The following TTC27 variants were observed in gnomAD, a reference collection of about 807,000 sequenced individuals.
TTC27 encodes the protein tetratricopeptide repeat protein 27.
A neutral mutation model predicts 115.9 loss-of-function variants in TTC27; 79 were observed. The observed-to-expected ratio is 0.68, with a 90% CI of 0.57 to 0.82. The LOEUF is 0.82. Ranked by LOEUF, TTC27 falls within the 40% of genes least tolerant of loss-of-function variation. The probability of loss-of-function intolerance (pLI) is 0.00; values close to 1 mark genes in which losing one functional copy is unlikely to be tolerated. For synonymous variants in TTC27, 401 were observed against 356.0 expected, an observed-to-expected ratio of 1.13 and a Z score of -1.42; for missense variants, 1,054 against 993.1, an observed-to-expected ratio of 1.06 and a Z score of -0.82.
chr2:32,661,106 C>G (rs1054410293), intron 5 of TTC27, among the ~76,000 whole-genome samples: 7 of 152,158 alleles, frequency 4.6e-5, no homozygotes, highest in Admixed American at 4.6e-4. Context: ...TCTGAGGCCT[C>G]TACTCTGTTT....
intron 10 of TTC27, among the ~76,000 whole-genome samples, chr2:32,727,271 T>C (rs1351067038): frequency 1.3e-5 from 2 of 152,214 alleles, no homozygotes; most frequent in South Asian, 2.1e-4. Flanking sequence ...AATTTTTTTG[T>C]GAAATGTGTC....
intron 16 of TTC27, 133 bp downstream of exon 16, chr2:32,787,282 T>C: frequency 1.0e-6 from 1 of 968,812 alleles, no homozygotes; most frequent in South Asian, 2.0e-5. Context: ...GGGTATTTTT[T>C]TCTAGTCAAA....
At chr2:32,756,666 C>T (rs1359720461) in intron 12 of TTC27, among the ~76,000 whole-genome samples, 3 of 152,194 alleles carry the variant, frequency 2.0e-5, no homozygotes, top group Non-Finnish European at 4.4e-5. Flanking sequence ...ATCAAATATA[C>T]AGACTTTCGG....
intron 5 of TTC27, among the ~76,000 whole-genome samples, chr2:32,658,650 A>T (rs1665423323): frequency 6.6e-6 from 1 of 152,212 alleles, no homozygotes; most frequent in Non-Finnish European, 1.5e-5. Context: ...GCTAACACAT[A>T]TTGGAAACAT....
At chr2:32,700,609 CT>C (rs1279116191) in intron 9 of TTC27, among the ~76,000 whole-genome samples, 2 of 152,156 alleles carry the variant, frequency 1.3e-5, no homozygotes, top group African/African-American at 4.8e-5. Flanking sequence ...GCAATCTCGG[CT>C]CACTGCAACC....
intron 5 of TTC27, among the ~76,000 whole-genome samples, chr2:32,653,623 T>C (rs1327641119): frequency 6.6e-6 from 1 of 151,536 alleles, no homozygotes; most frequent in African/African-American, 2.4e-5. Flanking sequence ...AAAAACAGTC[T>C]TTTGGTGACT....
intron 10 of TTC27, among the ~76,000 whole-genome samples, chr2:32,706,066 T>C (rs961413644): frequency 1.3e-5 from 2 of 150,060 alleles, no homozygotes; most frequent in African/African-American, 4.9e-5. Flanking sequence ...TCATTCCTTA[T>C]TTACCTTACT....
In TTC27 at chr2:32,820,897, G is replaced by A. The variant is rs147004418; in HGVS notation, c.2491G>A (p.Glu831Lys). 28 of 1,535,580 alleles carry A rather than the reference G, an allele frequency of 1.8e-5. No homozygotes were observed. In the African/African-American group the frequency reaches 3.3e-4, roughly 18 times the overall value. The change falls in exon 20 of 20, where the codon GAG becomes AAG. Residue 831 changes from glutamate to lysine, a missense_variant. By Grantham distance (56) the Glu-to-Lys change is moderately conservative. Coordinates refer to ENST00000317907, the MANE Select transcript of TTC27 (RefSeq NM_017735.5). The part of the protein sequence containing the change: ...DITAMDTLVT[E>K]LQDLSNQFRN... ...AACAGCTATGGACACCTTAGTGACA[G>A]AGCTCCAAGACCTAAGCAACCAGTT...
intron 10 of TTC27, among the ~76,000 whole-genome samples, chr2:32,706,294 G>C (rs1011054007): frequency 6.6e-6 from 1 of 151,600 alleles, no homozygotes; most frequent in Non-Finnish European, 1.5e-5. Flanking sequence ...TGTTGGCCAG[G>C]CTGGTCTCGA....
chr2:32,663,651 T>C (rs1007913676), intron 5 of TTC27, among the ~76,000 whole-genome samples: 3 of 150,526 alleles, frequency 2.0e-5, no homozygotes, highest in Non-Finnish European at 3.0e-5. Context: ...TATGTATGTA[T>C]GTATGTATGT....
chr2:32,819,241 C>A (rs1671605182), intron 19 of TTC27, among the ~76,000 whole-genome samples: 1 of 151,730 alleles, frequency 6.6e-6, no homozygotes, highest in Non-Finnish European at 1.5e-5. Context: ...GTACTGCACA[C>A]CTTCCCATAT....
intron 10 of TTC27, among the ~76,000 whole-genome samples, chr2:32,726,786 C>T (rs1668122450): frequency 6.6e-6 from 1 of 152,102 alleles, no homozygotes; most frequent in Admixed American, 6.6e-5. Context: ...AAAGACATGC[C>T]CAAGACTGGG....
chr2:32,707,011 T>C (rs764169679), intron 10 of TTC27, among the ~76,000 whole-genome samples: 1 of 152,230 alleles, frequency 6.6e-6, no homozygotes, highest in Non-Finnish European at 1.5e-5. Flanking sequence ...GGTCATACCC[T>C]TAAAAGGGAA....
At chr2:32,740,898 G>A (rs547375520) in intron 12 of TTC27, among the ~76,000 whole-genome samples, 10 of 151,932 alleles carry the variant, frequency 6.6e-5, no homozygotes, top group South Asian at 4.2e-4. Flanking sequence ...CAGGTGATCC[G>A]CCTGCCTCAG....
chr2:32,747,980 A>G (rs72860866), intron 12 of TTC27, among the ~76,000 whole-genome samples: 2,240 of 151,254 alleles, frequency 0.015, 51 homozygotes, highest in African/African-American at 0.049. Flanking sequence ...CCTAATTTTT[A>G]TTTCCTTTCT....
At chr2:32,711,398 A>G (rs977102880) in intron 10 of TTC27, among the ~76,000 whole-genome samples, 2 of 152,182 alleles carry the variant, frequency 1.3e-5, no homozygotes, top group South Asian at 2.1e-4. Context: ...TGAATGCACA[A>G]TTTGTCTAAG....
chr2:32,746,750 C>T (rs887767518), intron 12 of TTC27, among the ~76,000 whole-genome samples: 1 of 151,950 alleles, frequency 6.6e-6, no homozygotes, highest in African/African-American at 2.4e-5. Flanking sequence ...TCTTTTGTAG[C>T]TCATTATTTG....
intron 9 of TTC27, among the ~76,000 whole-genome samples, chr2:32,680,214 CATT>C (rs1175396808): frequency 6.6e-6 from 1 of 152,006 alleles, no homozygotes; most frequent in Non-Finnish European, 1.5e-5. Context: ...AAATGTTCCT[CATT>C]ATTTATTATA....
chr2:32,708,627 C>A (rs372508006), intron 10 of TTC27, among the ~76,000 whole-genome samples: 1 of 151,944 alleles, frequency 6.6e-6, no homozygotes, highest in Non-Finnish European at 1.5e-5. Context: ...ATTTTTCTAG[C>A]TTACTTTATT....
Sources: gnomAD v4.1 joint callset for allele counts (sites outside exome capture counted in the v4.1 genomes callset) on GRCh38, gnomAD v4.1.1 for gene constraint, MANE v1.5 for transcripts, NCBI Gene and HGNC (gene_info 2026-07-23, HGNC 2026-07-21) for gene names.